CDYL: variants seen among roughly 807,000 people sequenced by gnomAD.
CDYL encodes chromodomain Y like.
A neutral mutation model predicts 47.3 loss-of-function variants in CDYL; 8 were observed. The ratio of observed to expected loss-of-function variants is 0.17; its 90% CI spans 0.10 to 0.31. The LOEUF is 0.31. CDYL is among the 10% of genes least tolerant of loss of function. The pLI is 1.00. For missense variants in CDYL, 471 were observed against 701.4 expected (o/e 0.67, Z 3.71); for synonymous variants, 266 against 265.0 (o/e 1.00, Z -0.04).
chr6:4,733,822 T>G (rs1178897295), intron 2 of CDYL, among the ~76,000 whole-genome samples: 1 of 148,332 alleles, frequency 6.7e-6, no homozygotes, highest in Non-Finnish European at 1.5e-5. Context: ...CTCTGCAGTT[T>G]CTTTTTCTTT....
At chr6:4,847,136 A>G (rs1393764930) in intron 1 of CDYL, among the ~76,000 whole-genome samples, 1 of 152,188 alleles carries the variant, frequency 6.6e-6, no homozygotes, top group Non-Finnish European at 1.5e-5. Flanking sequence ...CCCTCTAACT[A>G]TTGCGTGCAC....
intron 2 of CDYL, among the ~76,000 whole-genome samples, chr6:4,892,924 C>T (rs1218707678): frequency 6.6e-6 from 1 of 152,222 alleles, no homozygotes; most frequent in East Asian, 1.9e-4. Context: ...CCCAGTCTGC[C>T]TGGCACCGGT....
At chr6:4,907,746 T>C (rs768018568) in intron 2 of CDYL, among the ~76,000 whole-genome samples, 2 of 152,192 alleles carry the variant, frequency 1.3e-5, no homozygotes, top group Non-Finnish European at 1.5e-5. Flanking sequence ...TACTATATAG[T>C]TTTTGTTACT....
Position 4,734,774 on chromosome 6 carries a change from A to G in CDYL, c.116A>G (p.Asp39Gly), listed in dbSNP as rs140565156. ...TATTCTGTGCTAGTGTCAGCACCAG[A>G]TGGGCCTTCAGACCCCAGCATCTCC... Residue 39 changes from aspartate to glycine, a missense_variant, in exon 3 of 9, where the codon GAT (aspartate) becomes GGT (glycine). Physicochemically the swap from Asp to Gly is moderately conservative, Grantham distance 94. Coordinates refer to the CDYL transcript ENST00000328908. 5.0e-6 allele frequency: 8 copies of G among 1,614,014 alleles called. No homozygotes were observed. The African/African-American group carries it at 9.3e-5, about 19-fold the overall frequency.
intron 1 of CDYL, among the ~76,000 whole-genome samples, chr6:4,841,155 C>T (rs1222519051): frequency 6.6e-5 from 10 of 152,072 alleles, no homozygotes; most frequent in Non-Finnish European, 1.5e-4. Context: ...TGTATATTTC[C>T]AGGAATGTGT....
chr6:4,817,330 A>G (rs925745377), intron 1 of CDYL, among the ~76,000 whole-genome samples: 9 of 151,364 alleles, frequency 5.9e-5, no homozygotes, highest in Non-Finnish European at 1.3e-4. Flanking sequence ...CTACTCTTCA[A>G]TCACCCTTTC....
At chr6:4,941,080 C>T (rs1039054534) in intron 4 of CDYL, among the ~76,000 whole-genome samples, 3 of 152,218 alleles carry the variant, frequency 2.0e-5, no homozygotes, top group African/African-American at 7.2e-5. Flanking sequence ...TCTTTTTAGA[C>T]TAATTATGTG....
chr6:4,910,900 C>T (rs1581257539), intron 2 of CDYL, among the ~76,000 whole-genome samples: 1 of 151,994 alleles, frequency 6.6e-6, no homozygotes, highest in Admixed American at 6.5e-5. Flanking sequence ...GTGGCACGAC[C>T]TCGGCTCACT....
chr6:4,725,429 T>C (rs902086746), intron 2 of CDYL, among the ~76,000 whole-genome samples: 19 of 152,034 alleles, frequency 1.2e-4, no homozygotes, highest in African/African-American at 4.3e-4. Context: ...CACAGCGAGG[T>C]GGGGAGGCTC....
intron 2 of CDYL, among the ~76,000 whole-genome samples, chr6:4,933,529 G>A (rs2127518296): frequency 6.6e-6 from 1 of 152,356 alleles, no homozygotes; most frequent in East Asian, 1.9e-4. Flanking sequence ...AAGACAGCAA[G>A]TGCAGGCAGG....
chr6:4,845,489 CAAAT>C (rs1014977027), intron 1 of CDYL, among the ~76,000 whole-genome samples: 8 of 152,140 alleles, frequency 5.3e-5, no homozygotes, highest in African/African-American at 1.9e-4. Flanking sequence ...ATCAGAATAA[CAAAT>C]AGTGTTCCTC....
At chr6:4,848,464 T>C (rs930079626) in intron 1 of CDYL, among the ~76,000 whole-genome samples, 1 of 152,220 alleles carries the variant, frequency 6.6e-6, no homozygotes, top group Non-Finnish European at 1.5e-5. Context: ...CCTCCTATTA[T>C]AGTGTTGAAA....
At chr6:4,783,074 A>C (rs770717245) in intron 1 of CDYL, among the ~76,000 whole-genome samples, 8 of 152,114 alleles carry the variant, frequency 5.3e-5, no homozygotes, top group Non-Finnish European at 1.0e-4. Flanking sequence ...ATCCCTCATC[A>C]AATAGAACAT....
rs1284903302 is a variant in CDYL, at chr6:4,943,545, G to A, written c.1122-1G>A. 6.3e-7 allele frequency: 1 copy of A among 1,587,570 alleles called. No individual in the cohort carries two copies. ...AATTCCCCATTTATTTTTCATTTTA[G>A]AAACTTCGTGAATACTTTCATTCAA... On this transcript the variant is annotated splice_acceptor_variant, in intron 4 of 6. Transcript: ENST00000397588. LOFTEE classifies it high-confidence loss of function.
At chr6:4,809,385 T>C (rs1759461221) in intron 1 of CDYL, among the ~76,000 whole-genome samples, 2 of 152,198 alleles carry the variant, frequency 1.3e-5, no homozygotes, top group African/African-American at 4.8e-5. Flanking sequence ...ATAAACGGTG[T>C]TGCAATGAAT....
chr6:4,897,803 A>T (rs751533766), intron 2 of CDYL, among the ~76,000 whole-genome samples: 1,010 of 18,236 alleles, frequency 0.055, 10 homozygotes, highest in Non-Finnish European at 0.1. Flanking sequence ...TTTTTTTTTT[A>T]AATTATCCAG....
At chr6:4,721,573 G>A (rs1331449390) in intron 2 of CDYL, among the ~76,000 whole-genome samples, 3 of 151,984 alleles carry the variant, frequency 2.0e-5, no homozygotes, top group Admixed American at 6.6e-5. Context: ...TAGCAGAGAT[G>A]GTTTTGCCCT....
At chr6:4,869,287 G>A (rs923775437) in intron 1 of CDYL, among the ~76,000 whole-genome samples, 1 of 151,840 alleles carries the variant, frequency 6.6e-6, no homozygotes, top group South Asian at 2.1e-4. Context: ...GTAGAGATGG[G>A]GTTTCACTGT....
At chr6:4,839,433 A>G (rs886480042) in intron 1 of CDYL, among the ~76,000 whole-genome samples, 5 of 152,122 alleles carry the variant, frequency 3.3e-5, no homozygotes, top group Admixed American at 6.5e-5. Context: ...ATTAAGTCCC[A>G]TCTATTTATC....
Sources: allele counts gnomAD v4.1 joint callset (sites outside exome capture counted in the v4.1 genomes callset), GRCh38; gene constraint gnomAD v4.1.1; transcripts MANE v1.5; gene names NCBI Gene and HGNC (gene_info 2026-07-23, HGNC 2026-07-21).